The following PIWIL3 variants were observed in gnomAD, a reference collection of about 807,000 sequenced individuals.
PIWIL3 encodes piwi like RNA-mediated gene silencing 3, also known as piwi-like protein 3.
PIWIL3 carries 101 observed loss-of-function variants against 109.7 expected under a neutral mutation model. That is an observed-to-expected ratio of 0.92 (90% CI 0.78 to 1.09). The LOEUF is 1.09. Among genes scored for constraint, PIWIL3 ranks in the 50% least tolerant of loss-of-function variants. The pLI is 0.00. For synonymous variants in PIWIL3, 373 were observed against 376.4 expected (o/e 0.99, Z 0.10); for missense variants, 1,031 against 1,072.6 (o/e 0.96, Z 0.54).
intron 13 of PIWIL3, 66 bp downstream of exon 13, chr22:24,735,642 T>TTTTAG: frequency 7.1e-7 from 1 of 1,414,928 alleles, no homozygotes; most frequent in South Asian, 1.5e-5. Flanking sequence ...CAATTTAATA[T>TTTTAG]TTTAGTTATT....
At chr22:24,724,774 G>A in intron 18 of PIWIL3, 113 bp downstream of exon 18, 1 of 1,200,084 alleles carries the variant, frequency 8.3e-7, no homozygotes, top group East Asian at 2.6e-5. Flanking sequence ...ATCTCACTAT[G>A]TTGCCCAAGC....
At chr22:24,764,123 G>C (rs1180039139) in intron 1 of PIWIL3, among the ~76,000 whole-genome samples, 2 of 152,218 alleles carry the variant, frequency 1.3e-5, no homozygotes, top group Non-Finnish European at 2.9e-5. Flanking sequence ...ACTCAGGAAA[G>C]CAGGCGTCGC....
intron 12 of PIWIL3, among the ~76,000 whole-genome samples, chr22:24,743,211 G>C (rs1228063544): frequency 6.6e-6 from 1 of 152,170 alleles, no homozygotes; most frequent in East Asian, 1.9e-4. Flanking sequence ...ATGTTGACAT[G>C]GATGTGGCAA....
chr22:24,728,734 T>C (rs950324306), intron 14 of PIWIL3, among the ~76,000 whole-genome samples: 9 of 152,162 alleles, frequency 5.9e-5, no homozygotes, highest in Non-Finnish European at 1.2e-4. Context: ...TAAATTACAA[T>C]TATAAATTAC....
chr22:24,759,718 G>T, intron 3 of PIWIL3, 151 bp downstream of exon 3: 2 of 1,175,826 alleles, frequency 1.7e-6, no homozygotes, highest in Non-Finnish European at 2.4e-6. Context: ...ATAATTCACT[G>T]CACAAAGAGA....
In PIWIL3 at chr22:24,774,330, T is replaced by C. The variant is rs5760637; in HGVS notation, c.-31A>G. On this transcript the variant is annotated 5_prime_UTR_variant, in exon 1 of 21. An upstream open reading frame in the 5' UTR loses its in-frame stop. Coordinates refer to ENST00000616349, the MANE Select transcript of PIWIL3 (RefSeq NM_001255975.1). ...GCACACACCATACTCACTTATCTGG[T>C]CACATATTTCCTTAGAAGCTTCAGT... 65,835 of 151,384 alleles carry C rather than the reference T, an allele frequency of 0.43. 14,505 individuals are homozygous for C. Among genetic ancestry groups the C allele is most frequent in the East Asian group, 0.59 (2,982 of 5,096 alleles). 9.4% of individuals were successfully genotyped at this position (151,384 alleles called of 1,614,324 possible).
At chr22:24,767,389 A>G (rs1925861189) in intron 1 of PIWIL3, among the ~76,000 whole-genome samples, 1 of 151,616 alleles carries the variant, frequency 6.6e-6, no homozygotes, top group East Asian at 1.9e-4. Flanking sequence ...AAATAAATAA[A>G]TAAATAAATA....
intron 17 of PIWIL3, 132 bp from the exon 18 acceptor site, chr22:24,725,169 A>C (rs906744693): frequency 4.4e-6 from 5 of 1,126,796 alleles, no homozygotes; most frequent in Non-Finnish European, 6.3e-6. Flanking sequence ...AGTCCTGTCT[A>C]TTCTGGGGTT....
Position 24,734,147 on chromosome 22 carries a change from T to C in PIWIL3, c.1644A>G (p.Val548=). Residue 548 remains valine, a synonymous_variant, in exon 14 of 21, where the codon GTA becomes GTG. Transcript: ENST00000616349. ...ITMKPAEMIE[V]DGDANSYIDT... ...CTATATAGGAGTTAGCATCACCATC[T>C]ACTTCAATCCTAAAAAATAAATATA... is the stretch of plus-strand genomic sequence containing the variant. 1.9e-6 allele frequency: 3 copies of C among 1,611,906 alleles called. No individual in the cohort carries two copies. The East Asian group carries it at 6.7e-5, about 36-fold the overall frequency.
chr22:24,764,760 C>T (rs1216564951), intron 1 of PIWIL3, among the ~76,000 whole-genome samples: 3 of 151,864 alleles, frequency 2.0e-5, no homozygotes, highest in Non-Finnish European at 4.4e-5. Flanking sequence ...TCAAGAAATC[C>T]TCCCACTTCC....
At position 24,749,838 on chromosome 22, in the gene PIWIL3, A is replaced by G; in HGVS notation, c.1090-19T>C. ...TATGTTGCTGCTCAACAAACAAGAG[A>G]CCAGCATGACCATCAGTGAAACCTT... On this transcript the variant is annotated intron_variant, in intron 9 of 20. Coordinates refer to ENST00000616349, the MANE Select transcript of PIWIL3 (RefSeq NM_001255975.1). The G allele has an allele frequency of 1.2e-6, 2 of 1,613,816 alleles. No individual in the cohort carries two copies. Among genetic ancestry groups the G allele is most frequent in the South Asian group, 1.1e-5 (1 of 91,056 alleles).
At chr22:24,746,404 T>C (rs1388064020) in intron 12 of PIWIL3, among the ~76,000 whole-genome samples, 1 of 152,074 alleles carries the variant, frequency 6.6e-6, no homozygotes, top group African/African-American at 2.4e-5. Context: ...AACCTGGGTA[T>C]AGAATGAACA....
At position 24,744,080 on chromosome 22, in the gene PIWIL3, C is replaced by T. The variant is rs527270237; in HGVS notation, c.1449+4827G>A. On this transcript the variant is annotated intron_variant, in intron 12 of 20. Coordinates refer to ENST00000616349, the MANE Select transcript of PIWIL3 (RefSeq NM_001255975.1). ...AAGGAGGAAGAAGAGACTATAAAACCGGAAAACACATAACAAAATGGCAGG... is the reference window on the plus strand; with the variant it reads ...AAGGAGGAAGAAGAGACTATAAAACTGGAAAACACATAACAAAATGGCAGG... Among the ~76,000 whole-genome samples, 360 of 144,002 alleles carry T rather than the reference C, an allele frequency of 2.5e-3. 1 individual carries two copies. Among genetic ancestry groups the T allele is most frequent in the African/African-American group, 8.6e-3 (336 of 39,172 alleles). 94.5% of individuals were successfully genotyped at this position (144,002 alleles called of 152,430 possible). A position where few individuals can be genotyped will look rare whatever the true frequency, so the allele number is the denominator to read the frequency against.
chr22:24,749,289 C>A, intron 11 of PIWIL3, 115 bp downstream of exon 11: 1 of 1,477,860 alleles, frequency 6.8e-7, no homozygotes, highest in South Asian at 1.4e-5. Flanking sequence ...CATCAAAATT[C>A]TTCCCATTGT....
chr22:24,724,345 C>A (rs1922860215), intron 18 of PIWIL3, among the ~76,000 whole-genome samples: 2 of 151,910 alleles, frequency 1.3e-5, no homozygotes, highest in African/African-American at 4.8e-5. Flanking sequence ...GGTATGAGTG[C>A]AGTGCTCCTA....
At chr22:24,745,063 C>T (rs1356793336) in intron 12 of PIWIL3, among the ~76,000 whole-genome samples, 1 of 152,032 alleles carries the variant, frequency 6.6e-6, no homozygotes, top group Non-Finnish European at 1.5e-5. Context: ...AAATCAAAAA[C>T]GAGGAATTTT....
intron 12 of PIWIL3, among the ~76,000 whole-genome samples, chr22:24,744,178 T>TAAAAAAAAAAAAAAAAAA (rs1188611412): frequency 2.0e-4 from 7 of 34,314 alleles, no homozygotes; most frequent in Non-Finnish European, 3.4e-4. Flanking sequence ...GTGACCGAAT[T>TAAAAAAAAAAAAAAAAAA]AAAAAAAAAA....
At chr22:24,758,068 A>T (rs754389351) in intron 3 of PIWIL3, 29 bp from the exon 4 acceptor site, 17 of 1,589,242 alleles carry the variant, frequency 1.1e-5, no homozygotes, top group Non-Finnish European at 1.5e-5. Context: ...CAGAAGTTTA[A>T]ACAATAAAAA....
chr22:24,740,051 CAAAA>C (rs1198660648), intron 12 of PIWIL3, among the ~76,000 whole-genome samples: 1 of 67,670 alleles, frequency 1.5e-5, no homozygotes. Context: ...GACTCGGTCT[CAAAA>C]AAAAAAAAAA....
Sources: gnomAD v4.1 joint callset for allele counts (sites outside exome capture counted in the v4.1 genomes callset) on GRCh38, gnomAD v4.1.1 for gene constraint, MANE v1.5 for transcripts, NCBI Gene and HGNC (gene_info 2026-07-23, HGNC 2026-07-21) for gene names.